The following GGT5 variants were observed in gnomAD, a reference collection of about 807,000 sequenced individuals.
GGT5 encodes gamma-glutamyltransferase 5.
Under a neutral mutation model 58.1 loss-of-function variants are expected in GGT5, and 50 were observed. That is an observed-to-expected ratio of 0.86 (90% confidence interval 0.69 to 1.09). GGT5 has a LOEUF of 1.09. Ranked by LOEUF, GGT5 falls within the 50% of genes least tolerant of loss-of-function variation. The pLI is 0.00. For synonymous variants in GGT5, 370 were observed against 346.1 expected (o/e 1.07, Z -0.77); for missense variants, 800 against 789.4 (o/e 1.01, Z -0.16).
intron 6 of GGT5, among the ~76,000 whole-genome samples, chr22:24,227,779 C>G (rs2047810721): frequency 6.6e-6 from 1 of 151,976 alleles, no homozygotes; most frequent in South Asian, 2.1e-4. Context: ...AATAGAGCGG[C>G]AGCCAGCCAC....
chr22:24,233,836 A>G, intron 2 of GGT5, 38 bp downstream of exon 2: 1 of 1,595,164 alleles, frequency 6.3e-7, no homozygotes, highest in Non-Finnish European at 8.6e-7. Context: ...GGTGTGGACA[A>G]GCCCATCTTC....
intron 1 of GGT5, chr22:24,241,157 C>CAAAAAAAAAAAAAAAAAAAAAAAAAAAA (rs56248104): frequency 1.4e-5 from 1 of 73,412 alleles, no homozygotes. Context: ...AACTCCATCT[C>CAAAAAAAAAAAAAAAAAAAAAAAAAAAA]AAAAAAAAAA....
rs777040992 is a variant in GGT5, at chr22:24,226,705, G to C, written c.964C>G (p.Leu322Val). Residue 322 changes from leucine to valine, a missense_variant, in exon 7 of 12, where the codon CTT becomes GTT. Transcript: ENST00000327365. ...PEGRVNVYHHLVETLKFAKGQ... is the reference protein window; with the variant it reads ...PEGRVNVYHHVVETLKFAKGQ... ...TTGGCAAACTTGAGCGTCTCTACAA[G>C]GTGGTGGTACACGTTCACCCTCCCT... 1.2e-6 allele frequency: 2 copies of C among 1,613,528 alleles called. No homozygotes were observed. Among genetic ancestry groups the C allele is most frequent in the South Asian group, 2.2e-5 (2 of 91,070 alleles).
chr22:24,232,640 C>T (rs749326017), intron 4 of GGT5, among the ~76,000 whole-genome samples, 183 bp downstream of exon 4: 11 of 152,170 alleles, frequency 7.2e-5, no homozygotes, highest in Non-Finnish European at 1.6e-4. Context: ...CGCAGCCTAA[C>T]CCCAAGTTAG....
chr22:24,236,026 A>G (rs997994173), intron 1 of GGT5, among the ~76,000 whole-genome samples: 1 of 152,126 alleles, frequency 6.6e-6, no homozygotes, highest in Non-Finnish European at 1.5e-5. Flanking sequence ...ATCCAGGCTC[A>G]TGGCATGAGA....
At chr22:24,236,549 G>A (rs1375745205) in intron 1 of GGT5, among the ~76,000 whole-genome samples, 5 of 152,142 alleles carry the variant, frequency 3.3e-5, no homozygotes, top group Non-Finnish European at 7.4e-5. Context: ...AGATCATGAG[G>A]TCAGGAGATT....
intron 11 of GGT5, chr22:24,220,699 C>G: frequency 2.2e-6 from 1 of 455,030 alleles, no homozygotes; most frequent in South Asian, 1.6e-5. Context: ...AGTTTGAGAA[C>G]AGCCAGGGCA....
chr22:24,236,352 G>A (rs1198006424), intron 1 of GGT5, among the ~76,000 whole-genome samples: 1 of 152,126 alleles, frequency 6.6e-6, no homozygotes, highest in Non-Finnish European at 1.5e-5. Context: ...TCTGGATGCA[G>A]GTTCTACCTC....
chr22:24,242,301 A>G (rs913552738), intron 1 of GGT5: 1 of 152,178 alleles, frequency 6.6e-6, no homozygotes, highest in Non-Finnish European at 1.5e-5. Context: ...CCTAGTGCTG[A>G]AAGAGTAGGA....
chr22:24,225,359 T>C lies in GGT5; in HGVS notation c.1389A>G (p.Pro463=), dbSNP rs529621965. The C allele has an allele frequency of 2.1e-5, 34 of 1,612,676 alleles. No homozygotes were observed. The highest frequency in any genetic ancestry group is 2.0e-4 in the South Asian group (18 of 90,854). The part of the protein sequence containing the change: ...GAPGRCWPPV[P]GERSPSSMVP... ...CCATGGAGGATGGGGAACGCTCGCC[T>C]GGAACTGGGGGCCAGCACCTTCCGG... The change falls in exon 10 of 12, where the codon CCA becomes CCG. Residue 463 remains proline, a synonymous_variant. Coordinates refer to ENST00000327365, the MANE Select transcript of GGT5 (RefSeq NM_004121.5).
rs1393151467 is a variant in GGT5 at position 24,225,347 on chromosome 22, G to C, written c.1401C>G (p.Ser467=). Residue 467 remains serine (S), a synonymous_variant, in exon 10 of 12, where the codon TCC becomes TCG. Coordinates refer to ENST00000327365, the MANE Select transcript of GGT5 (RefSeq NM_004121.5). ...RCWPPVPGER[S]PSSMVPSILI... ...AGATGGAGGGCACCATGGAGGATGG[G>C]GAACGCTCGCCTGGAACTGGGGGCC... The C allele has an allele frequency of 6.2e-7, 1 of 1,613,426 alleles. No homozygotes were observed. Among genetic ancestry groups the C allele is most frequent in the East Asian group, 2.2e-5 (1 of 44,876 alleles).
intron 1 of GGT5, chr22:24,242,946 C>T (rs1310646158): frequency 1.3e-5 from 2 of 152,258 alleles, no homozygotes; most frequent in African/African-American, 4.8e-5. Context: ...AAACCACATC[C>T]TCTCTCTTCA....
intron 7 of GGT5, 98 bp downstream of exon 7, chr22:24,226,533 C>T: frequency 7.4e-7 from 1 of 1,342,992 alleles, no homozygotes; most frequent in Non-Finnish European, 1.0e-6. Context: ...ATACATATCC[C>T]TCCAACTTCC....
At chr22:24,242,125 C>T (rs1406638915) in intron 1 of GGT5, 1 of 152,022 alleles carries the variant, frequency 6.6e-6, no homozygotes, top group Non-Finnish European at 1.5e-5. Flanking sequence ...CCAAAAATCA[C>T]CTTTTTTACA....
At chr22:24,242,220 G>A (rs1006479381) in intron 1 of GGT5, 8 of 152,150 alleles carry the variant, frequency 5.3e-5, no homozygotes, top group African/African-American at 1.7e-4. Flanking sequence ...ACGGTGCTGG[G>A]TCCACACTCA....
In GGT5 at chr22:24,244,594, A is replaced by G. The variant is rs765528505; in HGVS notation, c.132T>C (p.Ala44=). The G allele has an allele frequency of 5.7e-5, 92 of 1,612,426 alleles. No homozygotes were observed. The Middle Eastern group carries it at 7.9e-4, about 14-fold the overall frequency. The change falls in exon 1 of 12, where the codon GCT becomes GCC. Residue 44 remains alanine (A), a synonymous_variant. Transcript: ENST00000327365. ...AGACCTTGGAGTCGGCGGCAACAGCAGCGTGGGCAAAGGCCTGGGGGCCAC... is the reference window on the plus strand; with the variant it reads ...AGACCTTGGAGTCGGCGGCAACAGCGGCGTGGGCAAAGGCCTGGGGGCCAC... The part of the protein sequence containing the change: ...APCGPQAFAH[A]AVAADSKVCS...
Position 24,244,540 on chromosome 22 carries a change from A to G in GGT5, c.173+13T>C, listed in dbSNP as rs779429161. 3.1e-5 allele frequency: 50 copies of G among 1,607,468 alleles called. No individual in the cohort carries two copies. The highest frequency in any genetic ancestry group is 4.1e-5 in the Non-Finnish European group (48 of 1,176,394). On this transcript the variant is annotated intron_variant, in intron 1 of 11. Coordinates refer to ENST00000327365, the MANE Select transcript of GGT5 (RefSeq NM_004121.5). ...GCCAAGGGCCACCCAGCTTCCTCCC[A>G]CGTCTCACTCACCGTCCAATATCCG... is the stretch of plus-strand genomic sequence containing the variant.
In GGT5 at chr22:24,238,862, TATA is replaced by T. The variant is rs1460642330; in HGVS notation, c.174-4861_174-4859del. On this transcript the variant is annotated intron_variant, in intron 1 of 11. Coordinates refer to ENST00000327365, the MANE Select transcript of GGT5 (RefSeq NM_004121.5). ...ATATATATATTATATATATTATATA[TATA>T]ATATATATAATATATATTATATATT... Among the ~76,000 whole-genome samples, 94 of 10,104 alleles carry T rather than the reference TATA, an allele frequency of 9.3e-3. 1 individual carries two copies. Among genetic ancestry groups the T allele is most frequent in the Non-Finnish European group, 0.011 (75 of 6,904 alleles). 6.6% of individuals were successfully genotyped at this position (10,104 alleles called of 152,430 possible). A position where few individuals can be genotyped will look rare whatever the true frequency, so the allele number is the denominator to read the frequency against.
intron 4 of GGT5, 70 bp from the exon 5 acceptor site, chr22:24,232,278 T>A (rs1291930388): frequency 7.8e-6 from 7 of 899,198 alleles, no homozygotes; most frequent in Admixed American, 2.7e-5. Context: ...GGGGCTCTCA[T>A]GGGTGGAGTC....
Sources: gnomAD v4.1 joint callset for allele counts (sites outside exome capture counted in the v4.1 genomes callset) on GRCh38, gnomAD v4.1.1 for gene constraint, MANE v1.5 for transcripts, NCBI Gene and HGNC (gene_info 2026-07-23, HGNC 2026-07-21) for gene names.